PDE1C: variants seen among roughly 807,000 people sequenced by gnomAD.
PDE1C encodes phosphodiesterase 1C, also known as dual specificity calcium/calmodulin-dependent 3',5'-cyclic nucleotide phosphodiesterase 1C.
Under a neutral mutation model 93.1 loss-of-function variants are expected in PDE1C, and 62 were observed. That is an observed-to-expected ratio of 0.67 (90% CI 0.54 to 0.82). PDE1C has a LOEUF of 0.82. Ranked by LOEUF, PDE1C falls within the 40% of genes least tolerant of loss-of-function variation. The pLI is 0.00. For synonymous variants in PDE1C, 325 were observed against 310.1 expected (o/e 1.05, Z -0.50); for missense variants, 742 against 884.6 (o/e 0.84, Z 2.04).
chr7:31,812,972 T>G (rs1464216458), intron 15 of PDE1C, among the ~76,000 whole-genome samples: 2 of 152,132 alleles, frequency 1.3e-5, no homozygotes, highest in African/African-American at 2.4e-5. Context: ...GACTCAGTAT[T>G]CCCACCCACA....
chr7:32,140,600 C>A (rs1040204282), intron 3 of PDE1C, among the ~76,000 whole-genome samples: 20 of 152,212 alleles, frequency 1.3e-4, no homozygotes, highest in African/African-American at 4.6e-4. Context: ...GGCTTTGAAG[C>A]GGAAACTCTA....
chr7:31,859,334 T>C (rs1183729956), intron 7 of PDE1C, among the ~76,000 whole-genome samples: 1 of 149,444 alleles, frequency 6.7e-6, no homozygotes, highest in East Asian at 2.0e-4. Flanking sequence ...TCCTATTTGT[T>C]TCAATAAATA....
the PDE1C span, chr7:31,642,764 C>A: frequency 3.1e-6 from 5 of 1,613,872 alleles, no homozygotes; most frequent in South Asian, 5.5e-5. Context: ...TTAGTATCAT[C>A]CCAGGACTGT....
intron 16 of PDE1C, among the ~76,000 whole-genome samples, chr7:31,802,275 T>A (rs1377360705): frequency 6.6e-6 from 1 of 151,566 alleles, no homozygotes; most frequent in Non-Finnish European, 1.5e-5. Flanking sequence ...ATATATATGC[T>A]CTTAATTTAC....
chr7:32,346,964 A>T lies in PDE1C; in HGVS notation c.310+80858T>A, dbSNP rs1446478545. 2.0e-5 allele frequency among the ~76,000 whole-genome samples: 3 copies of T among 152,226 alleles called. No individual in the cohort carries two copies. The South Asian group carries it at 6.2e-4, about 31-fold the overall frequency. ...CATTGAGTGCAAACAAGCCCAAGGG[A>T]ACTTTTAGGGTAACGGAAGTATTTC... On this transcript the variant is annotated intron_variant, in intron 1 of 1. Coordinates refer to the PDE1C transcript ENST00000672256.
At chr7:32,207,506 C>T (rs915469221) in intron 2 of PDE1C, among the ~76,000 whole-genome samples, 1 of 152,100 alleles carries the variant, frequency 6.6e-6, no homozygotes, top group African/African-American at 2.4e-5. Flanking sequence ...ATTTTTTTGC[C>T]TTCCTAAAAG....
intron 2 of PDE1C, among the ~76,000 whole-genome samples, chr7:31,985,603 G>A (rs1272621294): frequency 6.6e-6 from 1 of 151,624 alleles, no homozygotes; most frequent in African/African-American, 2.4e-5. Context: ...CCCAGTGTGT[G>A]ATGTTCCCCG....
chr7:31,949,420 A>C (rs754413730), intron 2 of PDE1C, among the ~76,000 whole-genome samples: 3 of 152,210 alleles, frequency 2.0e-5, no homozygotes, highest in Non-Finnish European at 4.4e-5. Context: ...AGATCCTGCC[A>C]TTGCACTCCA....
At chr7:32,163,827 A>G (rs1562537669) in intron 3 of PDE1C, among the ~76,000 whole-genome samples, 1 of 152,190 alleles carries the variant, frequency 6.6e-6, no homozygotes, top group Non-Finnish European at 1.5e-5. Flanking sequence ...GGCCCACTGC[A>G]TAATCCAGTC....
At chr7:31,786,883 ATATAT>A (rs1479478843) in intron 16 of PDE1C, 1 of 151,238 alleles carries the variant, frequency 6.6e-6, no homozygotes, top group African/African-American at 2.4e-5. Context: ...AAAGAAGAAA[ATATAT>A]TATATTATCT....
chr7:31,953,150 T>C (rs1807642027), intron 2 of PDE1C, among the ~76,000 whole-genome samples: 1 of 152,160 alleles, frequency 6.6e-6, no homozygotes, highest in African/African-American at 2.4e-5. Context: ...GAGATTAAAG[T>C]TATTTCATAA....
chr7:31,729,625 C>T, the PDE1C span, among the ~76,000 whole-genome samples: 1 of 152,180 alleles, frequency 6.6e-6, no homozygotes, highest in Admixed American at 6.5e-5. Flanking sequence ...TGGAGAAAGG[C>T]AGGGCTACAA....
the PDE1C span, among the ~76,000 whole-genome samples, chr7:31,732,088 C>A: frequency 9.2e-5 from 14 of 152,368 alleles, no homozygotes; most frequent in African/African-American, 3.4e-4. Flanking sequence ...TGCGGCCCCG[C>A]ACAGCCCAGA....
chr7:32,271,564 T>G (rs958286237), intron 1 of PDE1C, among the ~76,000 whole-genome samples: 1 of 152,160 alleles, frequency 6.6e-6, no homozygotes, highest in Non-Finnish European at 1.5e-5. Context: ...GAAGAAGATA[T>G]AGTAGCAGAT....
chr7:32,362,730 G>C (rs904339582), intron 1 of PDE1C, among the ~76,000 whole-genome samples: 3 of 152,138 alleles, frequency 2.0e-5, no homozygotes, highest in African/African-American at 7.2e-5. Context: ...CAGATGTCAC[G>C]GTGAGAAAGC....
At chr7:32,299,919 A>C (rs939171127), upstream of PDE1C, among the ~76,000 whole-genome samples, 11 of 152,218 alleles carry the variant, frequency 7.2e-5, no homozygotes, top group African/African-American at 2.7e-4. Context: ...TTCTGTGCTC[A>C]AGCTATTGTG....
chr7:32,026,890 T>C (rs1584504307), intron 2 of PDE1C, among the ~76,000 whole-genome samples: 2 of 152,022 alleles, frequency 1.3e-5, no homozygotes, highest in African/African-American at 4.8e-5. Flanking sequence ...TGAATACATA[T>C]TGCTGAGTGG....
chr7:31,813,530 T>G (rs539533159), intron 15 of PDE1C, among the ~76,000 whole-genome samples: 5 of 152,202 alleles, frequency 3.3e-5, no homozygotes, highest in Admixed American at 3.3e-4. Flanking sequence ...TTGTTACCTA[T>G]CTCTCAGTTG....
intron 2 of PDE1C, among the ~76,000 whole-genome samples, chr7:31,895,102 C>T (rs932970195): frequency 6.6e-6 from 1 of 152,180 alleles, no homozygotes; most frequent in Non-Finnish European, 1.5e-5. Flanking sequence ...GTTCAGACCA[C>T]CTGCATCTTC....
Sources: allele counts gnomAD v4.1 joint callset (sites outside exome capture counted in the v4.1 genomes callset), GRCh38; gene constraint gnomAD v4.1.1; transcripts MANE v1.5; gene names NCBI Gene and HGNC (gene_info 2026-07-23, HGNC 2026-07-21).